Variants in KCNH8 observed in about 807,000 individuals in gnomAD.
The protein encoded by KCNH8 is potassium voltage-gated channel subfamily H member 8, also known as voltage-gated delayed rectifier potassium channel KCNH8.
Under a neutral mutation model 103.6 loss-of-function variants are expected in KCNH8, and 70 were observed. The ratio of observed to expected loss-of-function variants is 0.68; its 90% CI spans 0.56 to 0.82. The LOEUF is 0.82. KCNH8 is among the 40% of genes least tolerant of loss of function. KCNH8 has a pLI of 0.00. For missense variants in KCNH8, 1,217 were observed against 1,329.9 expected (o/e 0.92, Z 1.32); for synonymous variants, 498 against 489.4 (o/e 1.02, Z -0.23).
intron 11 of KCNH8, among the ~76,000 whole-genome samples, chr3:19,479,905 G>A (rs1034408866): frequency 6.6e-6 from 1 of 152,152 alleles, no homozygotes; most frequent in East Asian, 1.9e-4. Context: ...CCTCCAATCT[G>A]CTTTGTGACT....
intron 11 of KCNH8, among the ~76,000 whole-genome samples, chr3:19,466,524 C>T (rs1355848782): frequency 3.9e-5 from 6 of 151,982 alleles, no homozygotes; most frequent in Non-Finnish European, 7.4e-5. Flanking sequence ...TGCAGCCACC[C>T]CAGCCTTCAG....
At chr3:19,301,999 A>G (rs1007057908) in intron 3 of KCNH8, among the ~76,000 whole-genome samples, 1 of 152,224 alleles carries the variant, frequency 6.6e-6, no homozygotes, top group Non-Finnish European at 1.5e-5. Context: ...CTCGTGGCAC[A>G]TGGATATATT....
intron 11 of KCNH8, among the ~76,000 whole-genome samples, chr3:19,502,418 A>G (rs1265610589): frequency 2.6e-5 from 4 of 151,560 alleles, no homozygotes; most frequent in Non-Finnish European, 5.9e-5. Context: ...ATTGGAAAAA[A>G]CTACTTTAAA....
chr3:19,228,678 T>C (rs974651462), intron 1 of KCNH8, among the ~76,000 whole-genome samples: 2 of 152,242 alleles, frequency 1.3e-5, no homozygotes, highest in African/African-American at 4.8e-5. Context: ...ATTTGTGTGT[T>C]ACGTCACCAA....
At chr3:19,230,866 G>A (rs950065684) in intron 1 of KCNH8, among the ~76,000 whole-genome samples, 1 of 152,146 alleles carries the variant, frequency 6.6e-6, no homozygotes, top group Admixed American at 6.5e-5. Flanking sequence ...TTTGCAATAT[G>A]TGCCAAGAGT....
At chr3:19,500,779 TTG>T (rs1559359699) in intron 11 of KCNH8, among the ~76,000 whole-genome samples, 1 of 151,026 alleles carries the variant, frequency 6.6e-6, no homozygotes, top group Admixed American at 6.6e-5. Context: ...ACATTCAAAG[TTG>T]TGTGTAGAGG....
At chr3:19,396,284 C>T (rs1432129651) in intron 7 of KCNH8, among the ~76,000 whole-genome samples, 1 of 151,984 alleles carries the variant, frequency 6.6e-6, no homozygotes, top group Non-Finnish European at 1.5e-5. Context: ...CACTTAATGG[C>T]TGGACATATT....
chr3:19,518,021 C>T lies in KCNH8; in HGVS notation c.2566C>T (p.Leu856Phe), dbSNP rs748537737. The T allele has an allele frequency of 1.2e-6, 2 of 1,612,266 alleles. No individual in the cohort carries two copies. The highest frequency in any genetic ancestry group is 1.7e-6 in the Non-Finnish European group (2 of 1,178,822). ...AGATCCAGAGATTGGAGCTGCTGTTCTCTTCATCAAAGCAGAGGAGACCAA... is the reference window on the plus strand; with the variant it reads ...AGATCCAGAGATTGGAGCTGCTGTTTTCTTCATCAAAGCAGAGGAGACCAA... ...LGDPEIGAAV[L>F]FIKAEETKQQ... Residue 856 changes from leucine to phenylalanine, a missense_variant, in exon 15 of 16, where the codon CTC becomes TTC. Physicochemically the swap from Leu to Phe is conservative, Grantham distance 22 (BLOSUM62 0). Coordinates refer to ENST00000328405, the MANE Select transcript of KCNH8 (RefSeq NM_144633.3).
intron 7 of KCNH8, among the ~76,000 whole-genome samples, chr3:19,418,577 A>G (rs1207493590): frequency 6.6e-6 from 1 of 152,228 alleles, no homozygotes; most frequent in Non-Finnish European, 1.5e-5. Flanking sequence ...GATCAAGCCC[A>G]TTAGTCACTA....
intron 3 of KCNH8, among the ~76,000 whole-genome samples, chr3:19,317,554 C>A (rs1409421919): frequency 1.3e-5 from 2 of 151,678 alleles, no homozygotes; most frequent in Non-Finnish European, 2.9e-5. Flanking sequence ...TTAAAATGGG[C>A]CAGTGTCTAC....
At chr3:19,512,194 G>C (rs1167261869) in intron 12 of KCNH8, among the ~76,000 whole-genome samples, 1 of 152,176 alleles carries the variant, frequency 6.6e-6, no homozygotes, top group African/African-American at 2.4e-5. Flanking sequence ...GTTAGCCTTT[G>C]CTGCGTTCAC....
chr3:19,505,670 G>T (rs1217659770), intron 11 of KCNH8, among the ~76,000 whole-genome samples: 1 of 152,076 alleles, frequency 6.6e-6, no homozygotes, highest in Non-Finnish European at 1.5e-5. Flanking sequence ...GTATTTCACT[G>T]GAGTTCTCTG....
At chr3:19,391,021 T>G (rs935421315) in intron 6 of KCNH8, among the ~76,000 whole-genome samples, 7 of 151,972 alleles carry the variant, frequency 4.6e-5, no homozygotes, top group African/African-American at 1.4e-4. Context: ...TTTTTCTGCT[T>G]GTATGACCCT....
At chr3:19,414,365 GA>G (rs1384703229) in intron 7 of KCNH8, among the ~76,000 whole-genome samples, 5 of 151,484 alleles carry the variant, frequency 3.3e-5, no homozygotes, top group Non-Finnish European at 5.9e-5. Flanking sequence ...ATTTAAAATA[GA>G]AAACATACAA....
intron 3 of KCNH8, among the ~76,000 whole-genome samples, chr3:19,326,148 C>T (rs1027253141): frequency 2.0e-5 from 3 of 151,846 alleles, no homozygotes; most frequent in African/African-American, 4.8e-5. Context: ...AACTCATAGA[C>T]ACATAGAGTG....
chr3:19,390,343 G>A (rs779379354), intron 5 of KCNH8, 138 bp from the exon 6 acceptor site: 10 of 653,180 alleles, frequency 1.5e-5, no homozygotes, highest in South Asian at 4.0e-5. Flanking sequence ...AATTTTCTAC[G>A]ATTTTCTTCC....
At chr3:19,301,596 A>C (rs769877585) in intron 3 of KCNH8, among the ~76,000 whole-genome samples, 1 of 152,154 alleles carries the variant, frequency 6.6e-6, no homozygotes, top group Non-Finnish European at 1.5e-5. Context: ...GACATCAAGC[A>C]ATTCTCCAAT....
intron 11 of KCNH8, among the ~76,000 whole-genome samples, chr3:19,492,826 T>C (rs913966607): frequency 1.4e-5 from 2 of 143,246 alleles, no homozygotes; most frequent in Admixed American, 7.3e-5. Flanking sequence ...ATGGAATGTT[T>C]TTTCGTGTGT....
intron 8 of KCNH8, among the ~76,000 whole-genome samples, chr3:19,443,984 C>A (rs2067323870): frequency 6.6e-6 from 1 of 151,864 alleles, no homozygotes; most frequent in Non-Finnish European, 1.5e-5. Flanking sequence ...TCAATGCAAT[C>A]CCAATAAAAA....
Sources: gnomAD v4.1 joint callset for allele counts (sites outside exome capture counted in the v4.1 genomes callset) on GRCh38, gnomAD v4.1.1 for gene constraint, MANE v1.5 for transcripts, NCBI Gene and HGNC (gene_info 2026-07-23, HGNC 2026-07-21) for gene names.